Variants in CTSB observed in about 807,000 individuals in gnomAD.
The protein encoded by CTSB is cathepsin B, also known as APP secretase.
In CTSB, 57 loss-of-function variants were observed where a neutral mutation model predicts 44.3. That is an observed-to-expected ratio of 1.29 (90% CI 1.04 to 1.60). The LOEUF is 1.60. CTSB is among the 40% of genes most tolerant of loss of function. The pLI, the probability that CTSB is intolerant of heterozygous loss-of-function variation, is 0.00. For synonymous variants in CTSB, 320 were observed against 168.0 expected (o/e 1.91, Z -7.00); for missense variants, 768 against 443.0 (o/e 1.73, Z -6.59).
intron 1 of CTSB, among the ~76,000 whole-genome samples, chr8:11,857,176 A>G (rs1197229499): frequency 6.6e-6 from 1 of 152,150 alleles, no homozygotes; most frequent in Non-Finnish European, 1.5e-5. Context: ...GGCCTGTGCT[A>G]CCACGTTTGG....
intron 5 of CTSB, 160 bp from the exon 6 acceptor site, chr8:11,848,312 C>T (rs749616604): frequency 1.1e-5 from 8 of 706,460 alleles, no homozygotes; most frequent in South Asian, 8.9e-5. Flanking sequence ...CCAAGGGACG[C>T]TCCCTAGATA....
At chr8:11,845,890 G>C in intron 8 of CTSB, 101 bp from the exon 9 acceptor site, 4 of 1,380,212 alleles carry the variant, frequency 2.9e-6, no homozygotes, top group South Asian at 1.6e-5. Flanking sequence ...AGGAGAAACA[G>C]CTTCCAGAGG....
intron 1 of CTSB, among the ~76,000 whole-genome samples, chr8:11,865,174 T>C (rs1179838284): frequency 6.6e-6 from 1 of 152,142 alleles, no homozygotes; most frequent in African/African-American, 2.4e-5. Flanking sequence ...TCCCTTTACA[T>C]GGACCATGTG....
chr8:11,845,291 AAAAGACCTT>A lies in CTSB; in HGVS notation c.923-78_923-70del, dbSNP rs1472791059. ...AACCAATATAGTCAGACTCATCCTT[AAAAGACCTT>A]AAGTCACTCATCCCTGGCCACTCCT... is the stretch of plus-strand genomic sequence containing the variant. On this transcript the variant is annotated intron_variant, in intron 9 of 9. Coordinates refer to ENST00000353047, the MANE Select transcript of CTSB (RefSeq NM_001908.5). 8.3e-6 allele frequency: 10 copies of A among 1,202,548 alleles called. No individual in the cohort carries two copies. The Admixed American group carries it at 1.1e-4, about 13-fold the overall frequency. The allele number at this position is 1,202,548 out of a possible 1,614,324, so 74.5% of individuals were successfully genotyped here.
intron 1 of CTSB, among the ~76,000 whole-genome samples, chr8:11,862,889 C>A (rs1372786997): frequency 6.6e-6 from 1 of 152,246 alleles, no homozygotes; most frequent in Non-Finnish European, 1.5e-5. Context: ...CCATCCTTCT[C>A]CATGCATGCT....
chr8:11,844,847 G>C lies in CTSB; in HGVS notation c.*278C>G, dbSNP rs552532455. The C allele has an allele frequency of 7.3e-6, 3 of 412,778 alleles. No homozygotes were observed. Among genetic ancestry groups the C allele is most frequent in the Non-Finnish European group, 1.3e-5 (3 of 226,466 alleles). The allele number at this position is 412,778 out of a possible 1,614,324, so 25.6% of individuals were successfully genotyped here. On this transcript the variant is annotated 3_prime_UTR_variant, in exon 10 of 10. Coordinates refer to ENST00000353047, the MANE Select transcript of CTSB (RefSeq NM_001908.5). ...TGGAGATGGATGGATCACGGAGGGG[G>C]CCACAGTCAGCTGGGGCAGCAGGTA...
At chr8:11,850,438 A>AG (rs1295670625) in intron 4 of CTSB, among the ~76,000 whole-genome samples, 1 of 69,008 alleles carries the variant, frequency 1.4e-5, no homozygotes, top group Admixed American at 1.5e-4. Flanking sequence ...AAAAAAAAAA[A>AG]AAAGAAAGAA....
At position 11,845,735 on chromosome 8, in the gene CTSB, A is replaced by T; in HGVS notation, c.848T>A (p.Leu283Gln). ...TGTGCCATTCTCCACTCCCCAGCCC[A>T]GGATGCGGATGGCATGGCCACCCAT... ...EMMGGHAIRILGWGVENGTPY... is the reference protein window; with the variant it reads ...EMMGGHAIRIQGWGVENGTPY... The change falls in exon 9 of 10, where the codon CTG (leucine) becomes CAG (glutamine). Residue 283 changes from leucine (L) to glutamine (Q), a missense_variant. By Grantham distance (113) the Leu-to-Gln change is moderately radical. Coordinates refer to ENST00000353047, the MANE Select transcript of CTSB (RefSeq NM_001908.5). 2 of 1,614,048 alleles carry T rather than the reference A, an allele frequency of 1.2e-6. No homozygotes were observed. The highest frequency in any genetic ancestry group is 1.7e-6 in the Non-Finnish European group (2 of 1,179,928).
chr8:11,845,807 G>T lies in CTSB; in HGVS notation c.794-18C>A. On this transcript the variant is annotated intron_variant, in intron 8 of 9. Transcript: ENST00000353047. The stretch of plus-strand genomic sequence containing the variant: ...GTACACTCCTGAAAAGGGAAGAACT[G>T]GCTGAGACCGAGACCGGGCCACTGT... 1.2e-6 allele frequency: 2 copies of T among 1,602,606 alleles called. No homozygotes were observed. Among genetic ancestry groups the T allele is most frequent in the Non-Finnish European group, 1.7e-6 (2 of 1,171,980 alleles).
intron 1 of CTSB, among the ~76,000 whole-genome samples, chr8:11,859,158 C>T (rs1815980678): frequency 6.6e-6 from 1 of 152,114 alleles, no homozygotes; most frequent in South Asian, 2.1e-4. Flanking sequence ...AAGGGTGCTC[C>T]TCATATCCTC....
intron 4 of CTSB, chr8:11,849,952 C>T (rs1814244850): frequency 6.6e-6 from 1 of 152,238 alleles, no homozygotes; most frequent in African/African-American, 2.4e-5. Flanking sequence ...TGTATGAGGT[C>T]CCTAGGAGTC....
chr8:11,852,812 C>A (rs568945290), intron 2 of CTSB, 117 bp from the exon 3 acceptor site: 3 of 903,652 alleles, frequency 3.3e-6, no homozygotes, highest in Non-Finnish European at 5.1e-6. Context: ...ATTCAAGGGC[C>A]CAAGGGTTGG....
chr8:11,847,540 G>A lies in CTSB; in HGVS notation c.676+139C>T, dbSNP rs1000014976. On this transcript the variant is annotated intron_variant, in intron 7 of 9. Coordinates refer to ENST00000353047, the MANE Select transcript of CTSB (RefSeq NM_001908.5). ...AGTGTGCTGCTTCTCCTGGCAAGAG[G>A]GCATCACTCCCCCTCCTCTATCCTA... The A allele has an allele frequency of 1.2e-5, 11 of 916,246 alleles. 1 individual carries two copies. The highest frequency in any genetic ancestry group is 8.4e-5 in the African/African-American group (5 of 59,450). The allele number at this position is 916,246 out of a possible 1,614,324, so 56.8% of individuals were successfully genotyped here. A position where few individuals can be genotyped will look rare whatever the true frequency, so the allele number is the denominator to read the frequency against.
chr8:11,854,098 GC>G (rs1267625460), intron 1 of CTSB, among the ~76,000 whole-genome samples: 4 of 152,200 alleles, frequency 2.6e-5, no homozygotes, highest in Non-Finnish European at 5.9e-5. Flanking sequence ...CGATGCCCCA[GC>G]CGTTTGATCT....
chr8:11,848,945 T>G (rs1813984400), intron 5 of CTSB, 101 bp downstream of exon 5: 1 of 801,074 alleles, frequency 1.2e-6, no homozygotes, highest in African/African-American at 1.7e-5. Context: ...CACTTCTGAC[T>G]CGCAGCAGTC....
In CTSB at chr8:11,845,531, G is replaced by C. The variant is rs925840357; in HGVS notation, c.922+130C>G. 83 of 1,143,894 alleles carry C rather than the reference G, an allele frequency of 7.3e-5. No homozygotes were observed. In the African/African-American group the frequency reaches 1.2e-3, roughly 16 times the overall value. The allele number at this position is 1,143,894 out of a possible 1,614,324, so 70.9% of individuals were successfully genotyped here. On this transcript the variant is annotated intron_variant, in intron 9 of 9. Transcript: ENST00000353047. The stretch of plus-strand genomic sequence containing the variant: ...GAACTCCTGACTGCCTGGCACTTAG[G>C]AGGAGCTCACAGCCTGGCCGTAGGT...
chr8:11,856,338 A>C (rs1815502281), intron 1 of CTSB, among the ~76,000 whole-genome samples: 1 of 152,192 alleles, frequency 6.6e-6, no homozygotes. Context: ...ACCATTAAAA[A>C]AGCAATTAGT....
intron 1 of CTSB, chr8:11,854,886 C>T (rs181113858): frequency 3.9e-5 from 6 of 152,442 alleles, no homozygotes; most frequent in East Asian, 1.9e-4. Context: ...CACTCAGAAG[C>T]ACATCCTCCG....
intron 1 of CTSB, among the ~76,000 whole-genome samples, chr8:11,865,893 C>T (rs1201825509): frequency 1.4e-5 from 2 of 147,620 alleles, no homozygotes; most frequent in African/African-American, 2.5e-5. Flanking sequence ...TGGGCACTGG[C>T]AATCCCAGCT....
Sources: allele counts gnomAD v4.1 joint callset (sites outside exome capture counted in the v4.1 genomes callset), GRCh38; gene constraint gnomAD v4.1.1; transcripts MANE v1.5; gene names NCBI Gene and HGNC (gene_info 2026-07-23, HGNC 2026-07-21).